The following CTNND2 variants were observed in gnomAD, a reference collection of about 807,000 sequenced individuals.
CTNND2 encodes the protein catenin delta 2.
Under a neutral mutation model 144.4 loss-of-function variants are expected in CTNND2, and 22 were observed. The ratio of observed to expected loss-of-function variants is 0.15; its 90% CI spans 0.11 to 0.22. CTNND2 has a LOEUF of 0.22. CTNND2 is among the 10% of genes least tolerant of loss of function. CTNND2 has a pLI of 1.00. For synonymous variants in CTNND2, 751 were observed against 695.6 expected (o/e 1.08, Z -1.25); for missense variants, 1,353 against 1,618.8 (o/e 0.84, Z 2.82).
chr5:11,716,840 T>C (rs7723112), intron 2 of CTNND2, among the ~76,000 whole-genome samples: 45,461 of 151,486 alleles, frequency 0.3, 8,919 homozygotes, highest in African/African-American at 0.57. Flanking sequence ...GTGTCCATCA[T>C]CATGCCCAGC....
intron 9 of CTNND2, among the ~76,000 whole-genome samples, chr5:11,304,573 G>GT (rs1469429731): frequency 6.6e-6 from 1 of 152,162 alleles, no homozygotes; most frequent in Non-Finnish European, 1.5e-5. Flanking sequence ...ATCAGGTTTT[G>GT]TTTTTTATTA....
chr5:11,386,232 C>G (rs902258506), intron 6 of CTNND2, among the ~76,000 whole-genome samples: 1 of 151,922 alleles, frequency 6.6e-6, no homozygotes, highest in African/African-American at 2.4e-5. Flanking sequence ...ATTTTGAGAG[C>G]CTGCTGGTGT....
At chr5:11,367,375 T>C (rs913686593) in intron 7 of CTNND2, among the ~76,000 whole-genome samples, 1 of 152,204 alleles carries the variant, frequency 6.6e-6, no homozygotes, top group Admixed American at 6.5e-5. Context: ...AGAAAGAACA[T>C]TTTAGATCCA....
rs35946880 is a variant in CTNND2 at position 11,805,536 on chromosome 5, C to CAATGAATG, written c.38-73272_38-73265dup. ...AAGGAAGTACAAATAAATAAATGAACAATGAATGAATGAATGAATGAATGG... is the reference window on the plus strand; with the variant it reads ...AAGGAAGTACAAATAAATAAATGAACAATGAATGAATGAATGAATGAATGAATGAATGG... On this transcript the variant is annotated intron_variant, in intron 1 of 21. Transcript: ENST00000304623. Among the ~76,000 whole-genome samples the CAATGAATG allele has an allele frequency of 0.014, 2,129 of 151,616 alleles. 116 individuals are homozygous for CAATGAATG. The East Asian group carries it at 0.19, about 13-fold the overall frequency.
chr5:11,529,596 T>C (rs966765900), intron 3 of CTNND2, among the ~76,000 whole-genome samples: 1 of 152,248 alleles, frequency 6.6e-6, no homozygotes, highest in African/African-American at 2.4e-5. Flanking sequence ...AAACTGGTTT[T>C]GTAGTTTCCT....
intron 6 of CTNND2, among the ~76,000 whole-genome samples, chr5:11,391,535 G>C (rs186592943): frequency 6.6e-6 from 1 of 152,214 alleles, no homozygotes; most frequent in African/African-American, 2.4e-5. Flanking sequence ...GAATTTGCTT[G>C]AGCATGCACA....
chr5:11,793,394 T>G lies in CTNND2; in HGVS notation c.38-61122A>C, dbSNP rs116122855. Among the ~76,000 whole-genome samples the G allele has an allele frequency of 8.0e-3, 1,217 of 152,320 alleles. 19 individuals carry two copies. The highest frequency in any genetic ancestry group is 0.028 in the African/African-American group (1,147 of 41,580). On this transcript the variant is annotated intron_variant, in intron 1 of 21. Transcript: ENST00000304623. ...AGGATAAACTGTGTCCCTCCCAAGATTCATATGTTGAAGTCCTAACCCCCA... is the reference window on the plus strand; with the variant it reads ...AGGATAAACTGTGTCCCTCCCAAGAGTCATATGTTGAAGTCCTAACCCCCA...
rs576355383 is a variant in CTNND2 at position 11,761,791 on chromosome 5, T to A, written c.38-29519A>T. ...CTAACACTAATTATTTCTGGTATAC[T>A]GTGCACTATTTTATACAAAAAATGT... On this transcript the variant is annotated intron_variant, in intron 1 of 21. Transcript: ENST00000304623. 2.3e-3 allele frequency among the ~76,000 whole-genome samples: 351 copies of A among 152,302 alleles called. 1 individual carries two copies. Among genetic ancestry groups the A allele is most frequent in the Non-Finnish European group, 3.7e-3 (253 of 68,024 alleles).
At chr5:11,481,954 T>C (rs562938078) in intron 3 of CTNND2, among the ~76,000 whole-genome samples, 1 of 152,298 alleles carries the variant, frequency 6.6e-6, no homozygotes, top group South Asian at 2.1e-4. Flanking sequence ...TCTTAATTCC[T>C]TTGCACAATC....
chr5:11,845,194 C>G (rs1794676589), intron 1 of CTNND2, among the ~76,000 whole-genome samples: 2 of 152,310 alleles, frequency 1.3e-5, no homozygotes, highest in South Asian at 4.1e-4. Context: ...TGAATGTGAT[C>G]TGCCAGTCAG....
chr5:11,440,205 C>A (rs1022807356), intron 3 of CTNND2, among the ~76,000 whole-genome samples: 3 of 152,188 alleles, frequency 2.0e-5, no homozygotes, highest in African/African-American at 7.2e-5. Context: ...CACCTATTCT[C>A]TCATTAACTT....
chr5:11,879,367 A>ATGTATATATATATATATATG (rs1735851457), intron 1 of CTNND2, among the ~76,000 whole-genome samples: 1 of 139,244 alleles, frequency 7.2e-6, no homozygotes, highest in Non-Finnish European at 1.6e-5. Flanking sequence ...ACATATACAC[A>ATGTATATATATATATATATG]CACACACAAA....
chr5:11,084,289 C>T lies in CTNND2; in HGVS notation c.2638-1443G>A, dbSNP rs958682641. Among the ~76,000 whole-genome samples, 19 of 152,248 alleles carry T rather than the reference C, an allele frequency of 1.2e-4. No homozygotes were observed. The South Asian group carries it at 1.7e-3, about 13-fold the overall frequency. The stretch of plus-strand genomic sequence containing the variant: ...GATATCCCCTCCCAGGGAGGAAGCC[C>T]TTTCTCCTGGTACAATGCCAATTTC... On this transcript the variant is annotated intron_variant, in intron 15 of 21. Transcript: ENST00000304623.
chr5:11,841,754 T>A (rs1483024133), intron 1 of CTNND2, among the ~76,000 whole-genome samples: 4 of 151,948 alleles, frequency 2.6e-5, no homozygotes, highest in Admixed American at 6.6e-5. Context: ...AACTGGACTA[T>A]AATGACATTT....
At chr5:11,533,262 G>C (rs946931208) in intron 3 of CTNND2, among the ~76,000 whole-genome samples, 4 of 152,208 alleles carry the variant, frequency 2.6e-5, no homozygotes, top group Non-Finnish European at 1.5e-5. Context: ...GAAACAACAT[G>C]ATAGCCTGTG....
chr5:11,193,371 T>C (rs1736530975), intron 11 of CTNND2, among the ~76,000 whole-genome samples: 1 of 152,252 alleles, frequency 6.6e-6, no homozygotes, highest in South Asian at 2.1e-4. Context: ...GTAGGGTTTA[T>C]ATTAAAATTT....
chr5:11,432,656 G>T (rs529039813), intron 3 of CTNND2, among the ~76,000 whole-genome samples: 3 of 152,146 alleles, frequency 2.0e-5, no homozygotes, highest in Non-Finnish European at 2.9e-5. Context: ...GAAAGACAGA[G>T]TATCTTCAAG....
At chr5:11,855,324 A>C (rs911322835) in intron 1 of CTNND2, among the ~76,000 whole-genome samples, 2 of 152,274 alleles carry the variant, frequency 1.3e-5, no homozygotes, top group African/African-American at 2.4e-5. Flanking sequence ...TGTGTGTATA[A>C]CCTTGGACCA....
At chr5:11,647,125 G>A (rs1298446946) in intron 2 of CTNND2, among the ~76,000 whole-genome samples, 1 of 152,086 alleles carries the variant, frequency 6.6e-6, no homozygotes. Flanking sequence ...TGCTCATTGA[G>A]CAAACTCTAC....
Sources: allele counts gnomAD v4.1 joint callset (sites outside exome capture counted in the v4.1 genomes callset), GRCh38; gene constraint gnomAD v4.1.1; transcripts MANE v1.5; gene names NCBI Gene and HGNC (gene_info 2026-07-23, HGNC 2026-07-21).